SNX29: variants seen among roughly 807,000 people sequenced by gnomAD.
SNX29 encodes sorting nexin 29, also known as sorting nexin-29.
In SNX29, 78 loss-of-function variants were observed where a neutral mutation model predicts 102.1. The ratio of observed to expected loss-of-function variants is 0.76; its 90% confidence interval spans 0.64 to 0.92. The LOEUF (loss-of-function observed/expected upper bound fraction) is 0.92, where lower values mean the gene tolerates loss of function less well. Ranked by LOEUF, SNX29 falls within the 40% of genes least tolerant of loss-of-function variation. SNX29 has a pLI of 0.00. For synonymous variants in SNX29, 580 were observed against 414.5 expected (o/e 1.40, Z -4.85); for missense variants, 1,280 against 1,061.7 (o/e 1.21, Z -2.86).
intron 19 of SNX29, among the ~76,000 whole-genome samples, chr16:12,516,481 G>GGA (rs775263349): frequency 1.8e-5 from 2 of 109,544 alleles, no homozygotes; most frequent in Non-Finnish European, 1.8e-5. Context: ...TCCCGTCTCA[G>GGA]AAAAAAAAAA....
chr16:12,348,298 A>G (rs1209640773), intron 15 of SNX29, among the ~76,000 whole-genome samples: 1 of 152,108 alleles, frequency 6.6e-6, no homozygotes, highest in African/African-American at 2.4e-5. Flanking sequence ...CTTCACCTGA[A>G]GCAGAAACCA....
intron 5 of SNX29, among the ~76,000 whole-genome samples, chr16:12,044,175 G>A (rs1159188860): frequency 6.6e-6 from 1 of 152,182 alleles, no homozygotes; most frequent in South Asian, 2.1e-4. Flanking sequence ...CATCAGCAAC[G>A]CCCAGATCGT....
rs906170527 is a variant in SNX29 at position 12,076,522 on chromosome 16, G to A, written c.1320-2311G>A. ...TCGCCATGTTGGCTAGGCTGGTCTCGACCTCCTGACCTCATGTGATCCGCC... is the reference window on the plus strand; with the variant it reads ...TCGCCATGTTGGCTAGGCTGGTCTCAACCTCCTGACCTCATGTGATCCGCC... On this transcript the variant is annotated intron_variant, in intron 10 of 20. Coordinates refer to ENST00000566228, the MANE Select transcript of SNX29 (RefSeq NM_032167.5). Among the ~76,000 whole-genome samples the A allele has an allele frequency of 5.3e-5, 8 of 152,034 alleles. No homozygotes were observed. In the East Asian group the frequency reaches 9.7e-4, roughly 18 times the overall value.
chr16:12,377,157 A>AAGG (rs2082904563), intron 16 of SNX29, among the ~76,000 whole-genome samples: 1 of 152,238 alleles, frequency 6.6e-6, no homozygotes, highest in Non-Finnish European at 1.5e-5. Flanking sequence ...GGTTTCAGGC[A>AAGG]AGGAGCTTTA....
intron 13 of SNX29, among the ~76,000 whole-genome samples, chr16:12,134,867 A>C (rs1455417444): frequency 6.6e-6 from 1 of 152,216 alleles, no homozygotes; most frequent in Non-Finnish European, 1.5e-5. Flanking sequence ...ATCTCTAGAA[A>C]GGGGTTTATC....
chr16:12,015,726 A>C (rs1356858569), intron 3 of SNX29, among the ~76,000 whole-genome samples: 2 of 123,026 alleles, frequency 1.6e-5, no homozygotes, highest in African/African-American at 3.1e-5. Flanking sequence ...TAGTAGAGAT[A>C]GGGTTTCACC....
intron 14 of SNX29, among the ~76,000 whole-genome samples, chr16:12,202,416 G>A (rs765458769): frequency 2.0e-5 from 3 of 152,180 alleles, no homozygotes; most frequent in African/African-American, 4.8e-5. Context: ...TTTCCTTGGT[G>A]ATGTCAGATT....
At position 12,570,367 on chromosome 16, in the gene SNX29, A is replaced by C; in HGVS notation, c.*1738A>C. On this transcript the variant is annotated 3_prime_UTR_variant, in exon 21 of 21. Coordinates refer to ENST00000566228, the MANE Select transcript of SNX29 (RefSeq NM_032167.5). Reference sequence around the variant, plus strand: ...TCACCTGCCAACATTGCTGCAATACACATGGTTTATCTGAAATTCCAAGGC... The same window carrying C: ...TCACCTGCCAACATTGCTGCAATACCCATGGTTTATCTGAAATTCCAAGGC... 1 of 471,316 alleles carries C rather than the reference A, an allele frequency of 2.1e-6. No homozygotes were observed. Among genetic ancestry groups the C allele is most frequent in the Non-Finnish European group, 3.0e-6 (1 of 335,546 alleles). 29.2% of individuals were successfully genotyped at this position (471,316 alleles called of 1,614,324 possible).
chr16:12,288,678 GAA>G (rs532173454), intron 15 of SNX29, among the ~76,000 whole-genome samples: 102 of 106,998 alleles, frequency 9.5e-4, no homozygotes, highest in Admixed American at 2.3e-3. Context: ...GACATCTGGG[GAA>G]AAAAAAAAAA....
At chr16:12,556,105 T>G (rs2078329455) in intron 20 of SNX29, among the ~76,000 whole-genome samples, 1 of 152,164 alleles carries the variant, frequency 6.6e-6, no homozygotes, top group Non-Finnish European at 1.5e-5. Flanking sequence ...CATTGAGAAG[T>G]ATGGGTTATT....
At chr16:12,145,294 A>C (rs1426548670) in intron 13 of SNX29, among the ~76,000 whole-genome samples, 1 of 152,162 alleles carries the variant, frequency 6.6e-6, no homozygotes, top group Non-Finnish European at 1.5e-5. Context: ...GTAGCGTGAT[A>C]ATTATTTCCA....
chr16:12,564,061 G>C (rs189184994), intron 20 of SNX29, among the ~76,000 whole-genome samples: 1 of 152,198 alleles, frequency 6.6e-6, no homozygotes, highest in East Asian at 1.9e-4. Flanking sequence ...GTTTGGCAAC[G>C]ATGCTGTATT....
At chr16:12,208,322 C>A (rs1290230153) in intron 14 of SNX29, among the ~76,000 whole-genome samples, 2 of 152,192 alleles carry the variant, frequency 1.3e-5, no homozygotes, top group Non-Finnish European at 2.9e-5. Flanking sequence ...CTCTGCTGTC[C>A]CTGCTGGGGC....
intron 14 of SNX29, among the ~76,000 whole-genome samples, chr16:12,235,805 G>GTGTGTA (rs906240514): frequency 2.0e-5 from 3 of 152,028 alleles, no homozygotes; most frequent in South Asian, 2.1e-4. Context: ...GTGTGTGTGT[G>GTGTGTA]TGTGTATGTG....
At chr16:12,094,150 C>T (rs1408594312) in intron 11 of SNX29, among the ~76,000 whole-genome samples, 1 of 152,130 alleles carries the variant, frequency 6.6e-6, no homozygotes, top group Admixed American at 6.5e-5. Flanking sequence ...CATAGTACCC[C>T]TCTGACACAG....
At chr16:12,561,852 TG>T (rs2078743179) in intron 20 of SNX29, among the ~76,000 whole-genome samples, 1 of 152,140 alleles carries the variant, frequency 6.6e-6, no homozygotes, top group Admixed American at 6.5e-5. Context: ...GGGGAGGCAG[TG>T]CCCTGGGGAC....
rs111445732 is a variant in SNX29, at chr16:12,501,653, C to G, written c.2179-23049C>G. 4.2e-3 allele frequency among the ~76,000 whole-genome samples: 561 copies of G among 135,166 alleles called. 6 individuals carry two copies. The highest frequency in any genetic ancestry group is 0.015 in the African/African-American group (531 of 35,362). 88.7% of individuals were successfully genotyped at this position (135,166 alleles called of 152,430 possible). A position where few individuals can be genotyped will look rare whatever the true frequency, so the allele number is the denominator to read the frequency against. On this transcript the variant is annotated intron_variant, in intron 19 of 20. Transcript: ENST00000566228. The stretch of plus-strand genomic sequence containing the variant: ...AGGAGAATCACTTGAACCCGAGAGG[C>G]AGAGGTTCCAGTGGGCTAAGATCAC...
At chr16:12,477,172 C>G (rs1424610850) in intron 18 of SNX29, among the ~76,000 whole-genome samples, 2 of 152,148 alleles carry the variant, frequency 1.3e-5, no homozygotes, top group African/African-American at 2.4e-5. Flanking sequence ...ATGCTTATCC[C>G]ATCTGGACAC....
At position 12,571,981 on chromosome 16, in the gene SNX29, C is replaced by T. The variant is rs533467139; in HGVS notation, c.*3352C>T. 1.9e-6 allele frequency: 2 copies of T among 1,061,856 alleles called. No individual in the cohort carries two copies. Among genetic ancestry groups the T allele is most frequent in the African/African-American group, 1.6e-5 (1 of 60,866 alleles). The allele number at this position is 1,061,856 out of a possible 1,614,324, so 65.8% of individuals were successfully genotyped here. On this transcript the variant is annotated 3_prime_UTR_variant, in exon 21 of 21. Transcript: ENST00000566228. Reference sequence around the variant, plus strand: ...TACAGTCTATGGTGGTAGCCATCTTCACATCCAGTCACCAGTTGCATCTAG... The same window carrying T: ...TACAGTCTATGGTGGTAGCCATCTTTACATCCAGTCACCAGTTGCATCTAG...
Sources: gnomAD v4.1 joint callset for allele counts (sites outside exome capture counted in the v4.1 genomes callset) on GRCh38, gnomAD v4.1.1 for gene constraint, MANE v1.5 for transcripts, NCBI Gene and HGNC (gene_info 2026-07-23, HGNC 2026-07-21) for gene names.